GRID2: variants seen among roughly 807,000 people sequenced by gnomAD.
GRID2 encodes glutamate ionotropic receptor delta type subunit 2.
Under a neutral mutation model 114.8 loss-of-function variants are expected in GRID2, and 33 were observed. That is an observed-to-expected ratio of 0.29 (90% CI 0.22 to 0.38). The LOEUF (loss-of-function observed/expected upper bound fraction) is 0.38. Among genes scored for constraint, GRID2 ranks in the 10% least tolerant of loss-of-function variants. GRID2 has a pLI of 1.00. For missense variants in GRID2, 1,184 were observed against 1,257.7 expected, an observed-to-expected ratio of 0.94 and a Z score of 0.89; for synonymous variants, 505 against 449.9, an observed-to-expected ratio of 1.12 and a Z score of -1.55.
chr4:92,641,868 A>G (rs889494393), intron 2 of GRID2, among the ~76,000 whole-genome samples: 3 of 150,796 alleles, frequency 2.0e-5, no homozygotes, highest in Non-Finnish European at 3.0e-5. Context: ...CCACTTATAA[A>G]TGAGAACATG....
chr4:93,587,095 T>A (rs745682985), intron 13 of GRID2, among the ~76,000 whole-genome samples: 13 of 152,112 alleles, frequency 8.5e-5, no homozygotes, highest in Non-Finnish European at 1.9e-4. Context: ...TGAAGTTTCT[T>A]TCTGTCTATC....
At chr4:93,303,301 A>T (rs1755065595) in intron 8 of GRID2, among the ~76,000 whole-genome samples, 1 of 152,202 alleles carries the variant, frequency 6.6e-6, no homozygotes, top group South Asian at 2.1e-4. Context: ...ATATCAAAAT[A>T]TGTCCTAGAA....
intron 2 of GRID2, among the ~76,000 whole-genome samples, chr4:92,961,935 C>A (rs1752845880): frequency 6.6e-6 from 1 of 151,638 alleles, no homozygotes; most frequent in African/African-American, 2.4e-5. Flanking sequence ...CTTCTCTCAA[C>A]CATGACCGAT....
chr4:93,731,624 G>C (rs535738834), intron 14 of GRID2, among the ~76,000 whole-genome samples: 16 of 152,268 alleles, frequency 1.1e-4, no homozygotes, highest in African/African-American at 2.6e-4. Flanking sequence ...CCAGGACCTG[G>C]GGTGAAGCCT....
chr4:92,350,608 T>G (rs1040748549), intron 1 of GRID2, among the ~76,000 whole-genome samples: 1 of 151,814 alleles, frequency 6.6e-6, no homozygotes, highest in Non-Finnish European at 1.5e-5. Context: ...TCCTTCCTTC[T>G]TCCCTTCTAT....
At chr4:93,710,694 G>A (rs539447557) in intron 14 of GRID2, among the ~76,000 whole-genome samples, 123 of 152,270 alleles carry the variant, frequency 8.1e-4, no homozygotes, top group Non-Finnish European at 1.1e-3. Flanking sequence ...GCCCAGGGTG[G>A]GTCTTGAAGT....
At chr4:92,947,994 G>A (rs76570658) in intron 2 of GRID2, among the ~76,000 whole-genome samples, 2,021 of 151,822 alleles carry the variant, frequency 0.013, 31 homozygotes, top group Middle Eastern at 0.092. Flanking sequence ...TCATATGAAG[G>A]TGGCACAAAT....
chr4:92,399,665 C>CTCTA (rs869195406), intron 1 of GRID2, among the ~76,000 whole-genome samples: 3 of 133,908 alleles, frequency 2.2e-5, no homozygotes, highest in East Asian at 4.1e-4. Flanking sequence ...CTCTCTCTCT[C>CTCTA]TATATATATA....
intron 2 of GRID2, among the ~76,000 whole-genome samples, chr4:92,945,591 AC>A (rs1297384179): frequency 2.0e-5 from 3 of 152,198 alleles, no homozygotes; most frequent in Non-Finnish European, 2.9e-5. Flanking sequence ...ATTCCAGTGA[AC>A]GAAGTACCAG....
At chr4:93,357,346 C>T (rs1463541710) in intron 8 of GRID2, among the ~76,000 whole-genome samples, 2 of 151,388 alleles carry the variant, frequency 1.3e-5, no homozygotes, top group East Asian at 3.9e-4. Flanking sequence ...TTCAAGAGGA[C>T]TCCATGAATT....
At chr4:92,658,431 T>C (rs556293656) in intron 2 of GRID2, among the ~76,000 whole-genome samples, 2 of 151,716 alleles carry the variant, frequency 1.3e-5, no homozygotes, top group Non-Finnish European at 1.5e-5. Context: ...AAAAAAGGAT[T>C]GCACAGGGAA....
intron 2 of GRID2, among the ~76,000 whole-genome samples, chr4:92,808,276 A>G (rs1327696155): frequency 1.3e-5 from 2 of 152,126 alleles, no homozygotes; most frequent in Non-Finnish European, 2.9e-5. Context: ...CTCTATAATT[A>G]TAAGATAATG....
intron 1 of GRID2, among the ~76,000 whole-genome samples, chr4:92,341,702 C>A (rs1445282932): frequency 6.6e-6 from 1 of 151,886 alleles, no homozygotes; most frequent in African/African-American, 2.4e-5. Context: ...GGGCGGATCA[C>A]GAGATTGAGA....
chr4:93,278,708 C>T (rs1752335148), intron 8 of GRID2, among the ~76,000 whole-genome samples: 2 of 151,800 alleles, frequency 1.3e-5, no homozygotes, highest in African/African-American at 2.4e-5. Flanking sequence ...AAGAGCTTTA[C>T]AGATATAGGA....
At chr4:93,289,661 A>T (rs958796314) in intron 8 of GRID2, among the ~76,000 whole-genome samples, 2 of 152,180 alleles carry the variant, frequency 1.3e-5, no homozygotes, top group Non-Finnish European at 2.9e-5. Flanking sequence ...TATAAGTTGT[A>T]ATATTGATTT....
chr4:93,790,434 G>A (rs555796077), intron 1 of GRID2, among the ~76,000 whole-genome samples: 26 of 151,986 alleles, frequency 1.7e-4, no homozygotes, highest in Non-Finnish European at 2.9e-4. Flanking sequence ...ATTTCCAGAA[G>A]TTCACTTCCA....
rs1730538314 is a variant in GRID2 at position 93,088,755 on chromosome 4, C to T, written c.529+3476C>T. ...ATGTCATTTGATCTTCTCAGTAGCT[C>T]TGTGAAGTAAGAACTTTACTGTCAC... On this transcript the variant is annotated intron_variant, in intron 3 of 15. Coordinates refer to ENST00000282020, the MANE Select transcript of GRID2 (RefSeq NM_001510.4). Among the ~76,000 whole-genome samples, 3 of 152,068 alleles carry T rather than the reference C, an allele frequency of 2.0e-5. No homozygotes were observed. The South Asian group carries it at 6.2e-4, about 31-fold the overall frequency.
At chr4:93,290,837 T>G (rs1264665433) in intron 8 of GRID2, among the ~76,000 whole-genome samples, 1 of 151,650 alleles carries the variant, frequency 6.6e-6, no homozygotes, top group Non-Finnish European at 1.5e-5. Context: ...TTCATTTATA[T>G]CTTACCATCA....
chr4:92,475,911 A>G (rs565052910), intron 1 of GRID2, among the ~76,000 whole-genome samples: 1 of 150,918 alleles, frequency 6.6e-6, no homozygotes, highest in South Asian at 2.1e-4. Flanking sequence ...TAAATATAAT[A>G]TTTTACTTTA....
Sources: allele counts gnomAD v4.1 joint callset (sites outside exome capture counted in the v4.1 genomes callset), GRCh38; gene constraint gnomAD v4.1.1; transcripts MANE v1.5; gene names NCBI Gene and HGNC (gene_info 2026-07-23, HGNC 2026-07-21).